The following BTRC variants were observed in gnomAD, a reference collection of about 807,000 sequenced individuals.
The protein encoded by BTRC is beta-transducin repeat containing E3 ubiquitin protein ligase.
A neutral mutation model predicts 85.5 loss-of-function variants in BTRC; 42 were observed. The observed-to-expected ratio is 0.49, with a 90% confidence interval of 0.38 to 0.64. The LOEUF is 0.64. BTRC is among the 30% of genes least tolerant of loss of function. BTRC has a pLI of 0.00. For synonymous variants in BTRC, 255 were observed against 263.3 expected (o/e 0.97, Z 0.30); for missense variants, 594 against 743.5 (o/e 0.80, Z 2.34).
chr10:101,483,353 G>A (rs1468477377), intron 4 of BTRC, among the ~76,000 whole-genome samples: 1 of 152,200 alleles, frequency 6.6e-6, no homozygotes, highest in African/African-American at 2.4e-5. Flanking sequence ...CCAGTACTTT[G>A]GGAGGCCGAG....
chr10:101,470,844 T>C (rs1180723736), intron 3 of BTRC, among the ~76,000 whole-genome samples: 4 of 152,222 alleles, frequency 2.6e-5, no homozygotes, highest in African/African-American at 9.6e-5. Flanking sequence ...CATTCAGTTG[T>C]TTCAGCACCA....
intron 6 of BTRC, among the ~76,000 whole-genome samples, chr10:101,527,573 T>G (rs571245458): frequency 3.9e-5 from 6 of 152,220 alleles, no homozygotes; most frequent in Admixed American, 2.0e-4. Context: ...GGCAACATAT[T>G]GAGACCTCAT....
intron 1 of BTRC, among the ~76,000 whole-genome samples, chr10:101,381,034 C>A (rs977118407): frequency 1.8e-4 from 27 of 152,038 alleles, no homozygotes; most frequent in African/African-American, 2.4e-5. Context: ...TTTTATGAGA[C>A]CACTGTTGCA....
chr10:101,357,228 G>A (rs965737837), intron 1 of BTRC, among the ~76,000 whole-genome samples: 20 of 151,840 alleles, frequency 1.3e-4, no homozygotes, highest in African/African-American at 4.6e-4. Flanking sequence ...GGAACACGAG[G>A]TCAGGAGATT....
intron 2 of BTRC, among the ~76,000 whole-genome samples, chr10:101,441,736 C>A (rs1020626774): frequency 6.6e-6 from 1 of 151,978 alleles, no homozygotes; most frequent in African/African-American, 2.4e-5. Context: ...AAAAAATTAG[C>A]CAGGCGTGGT....
At chr10:101,473,465 C>CTTTTTTT (rs869163139) in intron 3 of BTRC, among the ~76,000 whole-genome samples, 7 of 96,772 alleles carry the variant, frequency 7.2e-5, no homozygotes, top group Admixed American at 1.2e-4. Context: ...TCTTTTTTCT[C>CTTTTTTT]TTTTTTTTTT....
chr10:101,479,254 T>C, intron 3 of BTRC, 114 bp from the exon 4 acceptor site: 1 of 751,636 alleles, frequency 1.3e-6, no homozygotes, highest in Non-Finnish European at 2.1e-6. Context: ...AAGTCTTAAC[T>C]TATAGATAAA....
chr10:101,464,970 A>G (rs892849941), intron 3 of BTRC, among the ~76,000 whole-genome samples: 2 of 152,194 alleles, frequency 1.3e-5, no homozygotes, highest in African/African-American at 4.8e-5. Context: ...GCAGCTGTCC[A>G]GGACTGCCCT....
chr10:101,371,873 A>G (rs1942645091), intron 1 of BTRC, among the ~76,000 whole-genome samples: 1 of 151,828 alleles, frequency 6.6e-6, no homozygotes, highest in Non-Finnish European at 1.5e-5. Context: ...TAATGTGCCT[A>G]TGTAACAAGG....
intron 1 of BTRC, among the ~76,000 whole-genome samples, chr10:101,382,175 G>A (rs1040989074): frequency 9.3e-5 from 14 of 151,218 alleles, no homozygotes; most frequent in Non-Finnish European, 1.6e-4. Flanking sequence ...TAGAGATGGG[G>A]TTTCACCATG....
chr10:101,406,108 T>C (rs2134011043), intron 1 of BTRC, among the ~76,000 whole-genome samples: 2 of 152,280 alleles, frequency 1.3e-5, no homozygotes, highest in African/African-American at 4.8e-5. Context: ...GTGGTACATA[T>C]ACTTTTAGGA....
intron 1 of BTRC, among the ~76,000 whole-genome samples, chr10:101,362,985 A>C (rs976260270): frequency 6.6e-6 from 1 of 152,238 alleles, no homozygotes; most frequent in Non-Finnish European, 1.5e-5. Flanking sequence ...TTAAGGCACT[A>C]TAAGAGACTT....
intron 3 of BTRC, among the ~76,000 whole-genome samples, chr10:101,463,110 A>C (rs1350499265): frequency 2.0e-5 from 3 of 150,540 alleles, no homozygotes; most frequent in South Asian, 2.1e-4. Flanking sequence ...CAGTGGTGTG[A>C]TCTTGGCTCA....
chr10:101,525,194 G>T (rs145150322), intron 5 of BTRC, among the ~76,000 whole-genome samples: 2 of 152,214 alleles, frequency 1.3e-5, no homozygotes, highest in African/African-American at 4.8e-5. Context: ...GTACAGATTT[G>T]GGTGGTGGAG....
At chr10:101,397,827 A>G (rs1943402314) in intron 1 of BTRC, among the ~76,000 whole-genome samples, 1 of 152,240 alleles carries the variant, frequency 6.6e-6, no homozygotes, top group African/African-American at 2.4e-5. Context: ...ATGATTGCCT[A>G]TGAACAGATG....
intron 1 of BTRC, among the ~76,000 whole-genome samples, chr10:101,403,808 T>G (rs1341766386): frequency 6.6e-6 from 1 of 151,792 alleles, no homozygotes; most frequent in Non-Finnish European, 1.5e-5. Flanking sequence ...TTTTTCAGGC[T>G]TGTCTGGAAC....
chr10:101,538,501 C>A, intron 13 of BTRC, 130 bp downstream of exon 13: 2 of 747,472 alleles, frequency 2.7e-6, no homozygotes, highest in Non-Finnish European at 2.3e-6. Context: ...AGTGGTAAGG[C>A]AACCAGTACA....
At chr10:101,417,988 A>G (rs1023984773) in intron 1 of BTRC, among the ~76,000 whole-genome samples, 15 of 152,212 alleles carry the variant, frequency 9.9e-5, no homozygotes, top group African/African-American at 2.9e-4. Context: ...ATGGAGTCAT[A>G]GATTTCAACT....
intron 4 of BTRC, among the ~76,000 whole-genome samples, chr10:101,519,770 C>T (rs2062076427): frequency 6.6e-6 from 1 of 152,170 alleles, no homozygotes; most frequent in South Asian, 2.1e-4. Flanking sequence ...CCAAGGCGGG[C>T]AGCTCACCTG....
Sources: gnomAD v4.1 joint callset for allele counts (sites outside exome capture counted in the v4.1 genomes callset) on GRCh38, gnomAD v4.1.1 for gene constraint, MANE v1.5 for transcripts, NCBI Gene and HGNC (gene_info 2026-07-23, HGNC 2026-07-21) for gene names.